PRPSAP2: variants seen among roughly 807,000 people sequenced by gnomAD.
The protein encoded by PRPSAP2 is phosphoribosyl pyrophosphate synthetase associated protein 2.
A neutral mutation model predicts 40.6 loss-of-function variants in PRPSAP2; 24 were observed. The observed-to-expected ratio is 0.59, with a 90% CI of 0.43 to 0.83. PRPSAP2 has a LOEUF of 0.83. Among genes scored for constraint, PRPSAP2 ranks in the 40% least tolerant of loss-of-function variants. PRPSAP2 has a pLI of 0.00. For synonymous variants in PRPSAP2, 149 were observed against 164.7 expected (o/e 0.90, Z 0.73); for missense variants, 292 against 465.6 (o/e 0.63, Z 3.43).
chr17:18,883,995 G>T (rs764044094), intron 7 of PRPSAP2, among the ~76,000 whole-genome samples: 9 of 151,738 alleles, frequency 5.9e-5, no homozygotes, highest in African/African-American at 2.2e-4. Context: ...TACGCCAGGC[G>T]CAGTGGCTCA....
chr17:18,866,323 G>C (rs1252430078), intron 3 of PRPSAP2, among the ~76,000 whole-genome samples: 4 of 152,110 alleles, frequency 2.6e-5, no homozygotes, highest in African/African-American at 9.7e-5. Context: ...CCAGCACTTT[G>C]GGAGGCCAAG....
At chr17:18,857,204 G>A (rs1337753786), upstream of PRPSAP2, among the ~76,000 whole-genome samples, 10 of 151,618 alleles carry the variant, frequency 6.6e-5, no homozygotes, top group East Asian at 5.9e-4. Context: ...GCGTGGTGGC[G>A]CACACCTGTA....
intron 3 of PRPSAP2, 145 bp downstream of exon 3, chr17:18,866,097 T>G (rs1417540700): frequency 5.6e-6 from 3 of 534,462 alleles, no homozygotes; most frequent in Non-Finnish European, 7.7e-6. Context: ...ATGTATCTTT[T>G]TTTTCATCAT....
At chr17:18,872,525 A>G (rs1238698543) in intron 4 of PRPSAP2, 58 bp from the exon 5 acceptor site, 7 of 1,344,584 alleles carry the variant, frequency 5.2e-6, no homozygotes, top group Middle Eastern at 1.8e-4. Flanking sequence ...TTTTTTGTGT[A>G]TTTTGAAAAA....
At chr17:18,915,632 A>G (rs991864171) in intron 9 of PRPSAP2, among the ~76,000 whole-genome samples, 6 of 152,084 alleles carry the variant, frequency 3.9e-5, no homozygotes, top group African/African-American at 1.2e-4. Flanking sequence ...ATGGCAAGAG[A>G]GGAAACGAGA....
rs779670007 is a variant in PRPSAP2 at position 18,872,656 on chromosome 17, A to G, written c.239+7A>G. The G allele has an allele frequency of 8.9e-6, 14 of 1,579,098 alleles. No individual in the cohort carries two copies. The highest frequency in any genetic ancestry group is 8.7e-6 in the Non-Finnish European group (10 of 1,149,026). On this transcript the variant is annotated splice_region_variant and intron_variant, in intron 5 of 11. Coordinates refer to ENST00000268835, the MANE Select transcript of PRPSAP2 (RefSeq NM_002767.4). Reference sequence around the variant, plus strand: ...TCATCCAAACTGTTTCGAAGTGAGTATCCAGCAAAAGTGTTGCTTTCTGGG... The same window carrying G: ...TCATCCAAACTGTTTCGAAGTGAGTGTCCAGCAAAAGTGTTGCTTTCTGGG...
At chr17:18,878,439 A>G (rs2038461988) in intron 6 of PRPSAP2, among the ~76,000 whole-genome samples, 1 of 152,252 alleles carries the variant, frequency 6.6e-6, no homozygotes, top group African/African-American at 2.4e-5. Flanking sequence ...TTTTCAGGTA[A>G]CAACCTAAGT....
rs117186753 is a variant in PRPSAP2, at chr17:18,874,830, G to A, written c.239+2181G>A. On this transcript the variant is annotated intron_variant, in intron 5 of 11. Coordinates refer to ENST00000268835, the MANE Select transcript of PRPSAP2 (RefSeq NM_002767.4). ...TCCAGCATCGGGGTAGGGAAGGGGC[G>A]GGCACAGAACAACTTAAACGGCTTC... Among the ~76,000 whole-genome samples the A allele has an allele frequency of 7.9e-3, 1,210 of 152,296 alleles. 9 individuals carry two copies. Among genetic ancestry groups the A allele is most frequent in the Admixed American group, 0.016 (245 of 15,284 alleles).
At chr17:18,922,879 T>C (rs2041766992) in intron 9 of PRPSAP2, among the ~76,000 whole-genome samples, 1 of 151,158 alleles carries the variant, frequency 6.6e-6, no homozygotes, top group Non-Finnish European at 1.5e-5. Context: ...TTCGCCATGT[T>C]GCTCAGGCTG....
chr17:18,913,017 T>C (rs956113715), intron 9 of PRPSAP2, among the ~76,000 whole-genome samples: 1 of 152,220 alleles, frequency 6.6e-6, no homozygotes, highest in African/African-American at 2.4e-5. Context: ...ACAGCTTTGC[T>C]GGGAGCAGCC....
chr17:18,926,622 G>A (rs2041992156), intron 10 of PRPSAP2, among the ~76,000 whole-genome samples: 1 of 152,072 alleles, frequency 6.6e-6, no homozygotes, highest in Non-Finnish European at 1.5e-5. Context: ...AGATCCACAG[G>A]AAGTAGGGGG....
At chr17:18,909,609 G>C (rs2040833491) in intron 8 of PRPSAP2, among the ~76,000 whole-genome samples, 1 of 151,246 alleles carries the variant, frequency 6.6e-6, no homozygotes, top group Non-Finnish European at 1.5e-5. Context: ...CCACTCTTAG[G>C]AATTTATCAG....
chr17:18,926,556 T>G (rs2041988016), intron 10 of PRPSAP2, among the ~76,000 whole-genome samples: 1 of 152,186 alleles, frequency 6.6e-6, no homozygotes, highest in Admixed American at 6.5e-5. Flanking sequence ...CGCAAGCCAC[T>G]GCACCCAGCC....
chr17:18,907,199 G>C (rs2040647820), intron 8 of PRPSAP2, among the ~76,000 whole-genome samples: 1 of 152,042 alleles, frequency 6.6e-6, no homozygotes. Flanking sequence ...CCATGCATTA[G>C]GTGCTGAGGA....
intron 8 of PRPSAP2, chr17:18,904,279 G>A (rs1017251671): frequency 1.3e-5 from 2 of 152,090 alleles, no homozygotes; most frequent in African/African-American, 4.8e-5. Flanking sequence ...TTTTGAGACA[G>A]GGTCTCCCTC....
At chr17:18,907,829 T>C (rs1431718054) in intron 8 of PRPSAP2, among the ~76,000 whole-genome samples, 1 of 152,090 alleles carries the variant, frequency 6.6e-6, no homozygotes, top group African/African-American at 2.4e-5. Flanking sequence ...AAAAAGTATT[T>C]AGAACCAAAT....
chr17:18,860,977 A>T (rs564311085), intron 1 of PRPSAP2, among the ~76,000 whole-genome samples: 1 of 152,284 alleles, frequency 6.6e-6, no homozygotes. Flanking sequence ...AATAAACATA[A>T]AGCAGTTATA....
intron 8 of PRPSAP2, chr17:18,904,987 T>A (rs904657041): frequency 6.6e-6 from 1 of 152,230 alleles, no homozygotes. Context: ...GAAACTCCCA[T>A]TGCTGTGCAG....
At chr17:18,868,098 A>G (rs1258633501) in intron 4 of PRPSAP2, among the ~76,000 whole-genome samples, 1 of 152,116 alleles carries the variant, frequency 6.6e-6, no homozygotes, top group Non-Finnish European at 1.5e-5. Flanking sequence ...ATCATACCAC[A>G]GAGTGAGACC....
Sources: allele counts gnomAD v4.1 joint callset (sites outside exome capture counted in the v4.1 genomes callset), GRCh38; gene constraint gnomAD v4.1.1; transcripts MANE v1.5; gene names NCBI Gene and HGNC (gene_info 2026-07-23, HGNC 2026-07-21).